MTERF4: variants seen among roughly 807,000 people sequenced by gnomAD.
MTERF4 encodes the protein transcription termination factor 4, mitochondrial.
MTERF4 carries 17 observed loss-of-function variants against 22.5 expected under a neutral mutation model. The observed-to-expected ratio is 0.75, with a 90% CI of 0.52 to 1.13. The LOEUF (loss-of-function observed/expected upper bound fraction) is 1.13, where lower values mean the gene tolerates loss of function less well. Ranked by LOEUF, MTERF4 falls within the 50% of genes most tolerant of loss-of-function variation. The probability of loss-of-function intolerance (pLI) is 0.00; values close to 1 mark genes in which losing one functional copy is unlikely to be tolerated. For missense variants in MTERF4, 420 were observed against 466.8 expected (o/e 0.90, Z 0.92); for synonymous variants, 165 against 175.3 (o/e 0.94, Z 0.47).
At chr2:241,087,418 A>C, downstream of MTERF4, 1 of 1,603,984 alleles carries the variant, frequency 6.2e-7, no homozygotes, top group Non-Finnish European at 8.5e-7. Flanking sequence ...CGAGTTCACC[A>C]AGACATCTGC....
intron 2 of MTERF4, among the ~76,000 whole-genome samples, chr2:241,098,200 T>C (rs2064543049): frequency 6.6e-6 from 1 of 152,234 alleles, no homozygotes; most frequent in Non-Finnish European, 1.5e-5. Context: ...CAGTTTAGGT[T>C]TATCTTCATT....
At chr2:241,078,243 C>T (rs766561802) in intron 4 of MTERF4, among the ~76,000 whole-genome samples, 14 of 151,510 alleles carry the variant, frequency 9.2e-5, no homozygotes, top group Admixed American at 2.0e-4. Flanking sequence ...ATTAGCTGGG[C>T]GTGGTGGCGG....
chr2:241,076,929 AT>A (rs2063050360), intron 4 of MTERF4, among the ~76,000 whole-genome samples: 1 of 152,186 alleles, frequency 6.6e-6, no homozygotes, highest in Admixed American at 6.5e-5. Flanking sequence ...AATACAAAAA[AT>A]TAGCTGGGCA....
the MTERF4 span, chr2:241,049,813 C>T: frequency 6.2e-7 from 1 of 1,612,286 alleles, no homozygotes; most frequent in African/African-American, 1.3e-5. Context: ...TCCCCCGCCC[C>T]CAGCCCTGCC....
downstream of MTERF4, chr2:241,088,176 A>G (rs1380119133): frequency 1.7e-6 from 1 of 583,838 alleles, no homozygotes; most frequent in Non-Finnish European, 3.1e-6. Context: ...CTACTGCCTC[A>G]AGCCAGGCGG....
At chr2:241,088,643 C>G, downstream of MTERF4, 1 of 546,264 alleles carries the variant, frequency 1.8e-6, no homozygotes, top group Non-Finnish European at 3.2e-6. Context: ...ATGAGGCTCT[C>G]TGTGGATAGG....
chr2:241,095,831 T>C lies in MTERF4; in HGVS notation c.*167A>G. Reference sequence around the variant, plus strand: ...CATGCATTTCCTGTTTCCTGTTTGGTTTGATCTGTCTGCCTCTCAGGTGAC... The same window carrying C: ...CATGCATTTCCTGTTTCCTGTTTGGCTTGATCTGTCTGCCTCTCAGGTGAC... On this transcript the variant is annotated 3_prime_UTR_variant, in exon 4 of 4. Coordinates refer to ENST00000391980, the MANE Select transcript of MTERF4 (RefSeq NM_182501.4). The C allele has an allele frequency of 7.7e-7, 1 of 1,293,464 alleles. No individual in the cohort carries two copies. The highest frequency in any genetic ancestry group is 2.3e-5 in the East Asian group (1 of 43,116). 80.1% of individuals were successfully genotyped at this position (1,293,464 alleles called of 1,614,324 possible).
At chr2:241,050,548 C>A in the MTERF4 span, among the ~76,000 whole-genome samples, 1 of 152,178 alleles carries the variant, frequency 6.6e-6, no homozygotes, top group Non-Finnish European at 1.5e-5. Context: ...TGGTGTGGAG[C>A]CTTCCACGGC....
At chr2:241,083,576 G>A (rs2063433805), downstream of MTERF4, among the ~76,000 whole-genome samples, 1 of 152,170 alleles carries the variant, frequency 6.6e-6, no homozygotes, top group East Asian at 1.9e-4. Context: ...TGGGATTTGG[G>A]AAGCCGTGTT....
downstream of MTERF4, among the ~76,000 whole-genome samples, chr2:241,083,394 GGA>G: frequency 2.4e-5 from 1 of 41,606 alleles, no homozygotes; most frequent in African/African-American, 6.7e-4. Flanking sequence ...CATGAAATGG[GGA>G]GGAGCTACTG....
chr2:241,070,429 A>T (rs2125234479), downstream of MTERF4, among the ~76,000 whole-genome samples: 1 of 152,330 alleles, frequency 6.6e-6, no homozygotes, highest in African/African-American at 2.4e-5. Flanking sequence ...TAATAAGCAC[A>T]TTGAGCCTCA....
the MTERF4 span, chr2:241,065,738 G>C: frequency 4.1e-6 from 3 of 738,546 alleles, no homozygotes; most frequent in East Asian, 8.1e-5. Flanking sequence ...GCTGGGGGTT[G>C]GAGGCACCGC....
At chr2:241,065,008 C>T in the MTERF4 span, 1 of 1,344,806 alleles carries the variant, frequency 7.4e-7, no homozygotes, top group South Asian at 1.4e-5. Flanking sequence ...GGTCCCCTCT[C>T]CCTAGAGGGC....
downstream of MTERF4, among the ~76,000 whole-genome samples, chr2:241,084,134 A>ATTTTTT (rs368364855): frequency 0.016 from 1,931 of 123,162 alleles, 83 homozygotes; most frequent in African/African-American, 0.045. Flanking sequence ...AGCGTCTAGG[A>ATTTTTT]TTTTTTTTTT....
chr2:241,102,030 A>G (rs1276950017), intron 1 of MTERF4: 15 of 591,472 alleles, frequency 2.5e-5, no homozygotes, highest in Non-Finnish European at 4.3e-5. Context: ...TCCAGCCTGG[A>G]GACAGAGCGA....
the MTERF4 span, among the ~76,000 whole-genome samples, chr2:241,046,901 T>C: frequency 6.6e-6 from 1 of 152,120 alleles, no homozygotes; most frequent in Non-Finnish European, 1.5e-5. Context: ...TCCCAGCACT[T>C]TGGGAGGCCA....
the MTERF4 span, among the ~76,000 whole-genome samples, chr2:241,060,929 CA>C: frequency 7.1e-5 from 10 of 141,048 alleles, no homozygotes; most frequent in East Asian, 1.2e-3. Flanking sequence ...GACCCTGTCT[CA>C]AAAAAAAACA....
chr2:241,048,200 C>T, the MTERF4 span: 1 of 1,261,796 alleles, frequency 7.9e-7, no homozygotes. Context: ...GGCTTAAATT[C>T]CACTTGGGAA....
At chr2:241,071,324 C>T, downstream of MTERF4, 1 of 579,144 alleles carries the variant, frequency 1.7e-6, no homozygotes. Flanking sequence ...CCTCATGACT[C>T]CCAGGCCAGT....
Sources: gnomAD v4.1 joint callset for allele counts (sites outside exome capture counted in the v4.1 genomes callset) on GRCh38, gnomAD v4.1.1 for gene constraint, MANE v1.5 for transcripts, NCBI Gene and HGNC (gene_info 2026-07-23, HGNC 2026-07-21) for gene names.